Variants in TWSG1 observed in about 807,000 individuals in gnomAD.
TWSG1 encodes twisted gastrulation protein homolog 1.
A neutral mutation model predicts 23.0 loss-of-function variants in TWSG1; 15 were observed. The observed-to-expected ratio is 0.65, with a 90% CI of 0.44 to 1.00. The LOEUF (loss-of-function observed/expected upper bound fraction) is 1.00. Among genes scored for constraint, TWSG1 ranks in the 50% least tolerant of loss-of-function variants. The probability of loss-of-function intolerance (pLI) is 0.00; values close to 1 mark genes in which losing one functional copy is unlikely to be tolerated. For synonymous variants in TWSG1, 86 were observed against 92.8 expected (o/e 0.93, Z 0.42); for missense variants, 242 against 278.7 (o/e 0.87, Z 0.94).
chr18:9,344,517 G>GTA lies in TWSG1; in HGVS notation c.123+7166_123+7167insAT, dbSNP rs143462759. ...TGTGTGTGTGTGTGTGTGTGTGTGT[G>GTA]TGTGTATGTATGTATTTTTTTTTTT... On this transcript the variant is annotated intron_variant, in intron 2 of 4. Coordinates refer to ENST00000262120, the MANE Select transcript of TWSG1 (RefSeq NM_020648.6). 5.3e-3 allele frequency among the ~76,000 whole-genome samples: 561 copies of GTA among 105,820 alleles called. 2 individuals carry two copies. Among genetic ancestry groups the GTA allele is most frequent in the Middle Eastern group, 0.037 (7 of 190 alleles). The allele number at this position is 105,820 out of a possible 152,430, so 69.4% of individuals were successfully genotyped here.
At chr18:9,367,766 A>G (rs1598827992) in intron 3 of TWSG1, among the ~76,000 whole-genome samples, 1 of 152,210 alleles carries the variant, frequency 6.6e-6, no homozygotes, top group South Asian at 2.1e-4. Context: ...TCCCAAAACC[A>G]GTCCTGGTGC....
chr18:9,339,897 A>G (rs1391941514), intron 2 of TWSG1, among the ~76,000 whole-genome samples: 1 of 152,184 alleles, frequency 6.6e-6, no homozygotes, highest in Non-Finnish European at 1.5e-5. Flanking sequence ...GCTTCACCTA[A>G]CTCAAATGGT....
chr18:9,358,991 G>A (rs1419790421), intron 2 of TWSG1, among the ~76,000 whole-genome samples: 1 of 152,128 alleles, frequency 6.6e-6, no homozygotes, highest in Non-Finnish European at 1.5e-5. Flanking sequence ...GGAGGGCAGG[G>A]GCAAGTGCTA....
intron 3 of TWSG1, among the ~76,000 whole-genome samples, chr18:9,370,430 C>T (rs934443440): frequency 6.6e-5 from 10 of 152,176 alleles, no homozygotes; most frequent in African/African-American, 1.4e-4. Flanking sequence ...ATTCAACCAT[C>T]GTCAGTGTTG....
intron 3 of TWSG1, among the ~76,000 whole-genome samples, chr18:9,392,970 A>C (rs964654285): frequency 7.9e-5 from 12 of 152,204 alleles, no homozygotes; most frequent in African/African-American, 2.9e-4. Flanking sequence ...TTGCATATGG[A>C]GGCACTTCCT....
intron 4 of TWSG1, among the ~76,000 whole-genome samples, 196 bp from the exon 5 acceptor site, chr18:9,399,150 G>A (rs1400494085): frequency 6.6e-6 from 1 of 152,208 alleles, no homozygotes; most frequent in African/African-American, 2.4e-5. Flanking sequence ...TTCAGATGGA[G>A]TGGGAGAATC....
In TWSG1 at chr18:9,401,789, C is replaced by T. The variant is rs2040763821; in HGVS notation, c.*2262C>T. The T allele has an allele frequency of 6.6e-6, 1 of 152,092 alleles. No individual in the cohort carries two copies. The highest frequency in any genetic ancestry group is 2.4e-5 in the African/African-American group (1 of 41,432). 9.4% of individuals were successfully genotyped at this position (152,092 alleles called of 1,614,324 possible). On this transcript the variant is annotated 3_prime_UTR_variant, in exon 5 of 5. Coordinates refer to ENST00000262120, the MANE Select transcript of TWSG1 (RefSeq NM_020648.6). The stretch of plus-strand genomic sequence containing the variant: ...GGTTAAAAGTTAGATCCTCTATTAC[C>T]ATTCTAAGCACATTCACTTCTATAT...
At chr18:9,365,650 C>T (rs1254068091) in intron 3 of TWSG1, among the ~76,000 whole-genome samples, 1 of 151,440 alleles carries the variant, frequency 6.6e-6, no homozygotes, top group African/African-American at 2.4e-5. Context: ...GCAGTCCAGC[C>T]TAGGCGGCAG....
intron 1 of TWSG1, among the ~76,000 whole-genome samples, chr18:9,336,575 AT>A (rs919394528): frequency 1.3e-4 from 20 of 152,108 alleles, no homozygotes; most frequent in African/African-American, 4.3e-4. Context: ...TCCATTTAAA[AT>A]TTTGTTTTGA....
intron 3 of TWSG1, among the ~76,000 whole-genome samples, chr18:9,395,625 G>T (rs752024596): frequency 3.3e-5 from 5 of 152,174 alleles, no homozygotes; most frequent in African/African-American, 1.2e-4. Context: ...AGAGTCCAAT[G>T]GTACAGTGAT....
At chr18:9,365,793 G>T (rs2040575889) in intron 3 of TWSG1, among the ~76,000 whole-genome samples, 1 of 152,166 alleles carries the variant, frequency 6.6e-6, no homozygotes. Context: ...ATGAGCACAG[G>T]AGTTCAAGAT....
At chr18:9,356,284 A>G (rs2040526626) in intron 2 of TWSG1, among the ~76,000 whole-genome samples, 1 of 152,232 alleles carries the variant, frequency 6.6e-6, no homozygotes, top group South Asian at 2.1e-4. Context: ...TGTGAAATAC[A>G]TTTAATCTTC....
At chr18:9,368,366 A>G (rs534294740) in intron 3 of TWSG1, among the ~76,000 whole-genome samples, 1 of 152,164 alleles carries the variant, frequency 6.6e-6, no homozygotes, top group South Asian at 2.1e-4. Context: ...ATGCCTGGCT[A>G]ATTTTTTTGT....
chr18:9,337,352 G>C lies in TWSG1; in HGVS notation c.123G>C (p.Gln41His), dbSNP rs1464358166. 12 of 1,612,674 alleles carry C rather than the reference G, an allele frequency of 7.4e-6. No individual in the cohort carries two copies. The highest frequency in any genetic ancestry group is 1.0e-5 in the Non-Finnish European group (12 of 1,179,878). ...GTGATGTGAGCAAATGCCTCATTCA[G>C]GTAGGACTAAGAGTACTTTTATTAA... is the stretch of plus-strand genomic sequence containing the variant. Reference protein sequence around the residue: ...CASDVSKCLIQELCQCRPGEG... With the variant: ...CASDVSKCLIHELCQCRPGEG... The change falls in exon 2 of 5, where the codon CAG (glutamine) becomes CAC (histidine). Residue 41 changes from glutamine (Q) to histidine (H), a missense_variant and splice_region_variant. Physicochemically the swap from Gln to His is conservative, Grantham distance 24. Coordinates refer to ENST00000262120, the MANE Select transcript of TWSG1 (RefSeq NM_020648.6).
At chr18:9,360,166 TA>T in intron 3 of TWSG1, 95 bp downstream of exon 3, 2 of 911,616 alleles carry the variant, frequency 2.2e-6, no homozygotes, top group Non-Finnish European at 3.5e-6. Flanking sequence ...TTTATGTGCA[TA>T]AACAAGTATG....
chr18:9,392,475 C>G (rs1469629865), intron 3 of TWSG1, among the ~76,000 whole-genome samples: 1 of 152,220 alleles, frequency 6.6e-6, no homozygotes, highest in African/African-American at 2.4e-5. Context: ...CTGGATTGAA[C>G]TTTAAGGGAA....
chr18:9,366,965 T>C (rs1015447015), intron 3 of TWSG1, among the ~76,000 whole-genome samples: 1 of 152,186 alleles, frequency 6.6e-6, no homozygotes, highest in African/African-American at 2.4e-5. Context: ...TTTTTATTTT[T>C]TCTTGAGATA....
intron 3 of TWSG1, among the ~76,000 whole-genome samples, chr18:9,369,832 CCT>C (rs1568035904): frequency 6.6e-6 from 1 of 152,062 alleles, no homozygotes; most frequent in East Asian, 1.9e-4. Flanking sequence ...TGCCCAGCCC[CCT>C]GAGTTCGTTA....
chr18:9,375,986 T>C lies in TWSG1; in HGVS notation c.223+15915T>C, dbSNP rs146192581. Among the ~76,000 whole-genome samples the C allele has an allele frequency of 2.2e-4, 33 of 152,074 alleles. 1 individual carries two copies. In the East Asian group the frequency reaches 4.3e-3, roughly 20 times the overall value. Reference sequence around the variant, plus strand: ...GCTGGAGTACAGTGGCCAATCTTGGTTCACTGCAACCTCTGCCTCCCGGGT... The same window carrying C: ...GCTGGAGTACAGTGGCCAATCTTGGCTCACTGCAACCTCTGCCTCCCGGGT... On this transcript the variant is annotated intron_variant, in intron 3 of 4. Coordinates refer to ENST00000262120, the MANE Select transcript of TWSG1 (RefSeq NM_020648.6).
Sources: gnomAD v4.1 joint callset for allele counts (sites outside exome capture counted in the v4.1 genomes callset) on GRCh38, gnomAD v4.1.1 for gene constraint, MANE v1.5 for transcripts, NCBI Gene and HGNC (gene_info 2026-07-23, HGNC 2026-07-21) for gene names.